The following FAM193A variants were observed in gnomAD, a reference collection of about 807,000 sequenced individuals.
FAM193A encodes the protein family with sequence similarity 193 member A.
FAM193A carries 22 observed loss-of-function variants against 126.5 expected under a neutral mutation model. The ratio of observed to expected loss-of-function variants is 0.17; its 90% CI spans 0.12 to 0.25. The LOEUF (loss-of-function observed/expected upper bound fraction) is 0.25, where lower values mean the gene tolerates loss of function less well. FAM193A is among the 10% of genes least tolerant of loss of function. The pLI, the probability that FAM193A is intolerant of heterozygous loss-of-function variation, is 1.00. For missense variants in FAM193A, 1,675 were observed against 1,672.8 expected (o/e 1.00, Z -0.02); for synonymous variants, 761 against 646.8 (o/e 1.18, Z -2.68).
At chr4:2,537,374 C>G (rs756216818) in intron 1 of FAM193A, among the ~76,000 whole-genome samples, 14 of 152,206 alleles carry the variant, frequency 9.2e-5, no homozygotes, top group Non-Finnish European at 1.9e-4. Flanking sequence ...GACGCGGCCT[C>G]TGTCAGCCTC....
chr4:2,633,991 A>T (rs1320997410), intron 5 of FAM193A, among the ~76,000 whole-genome samples: 3 of 152,202 alleles, frequency 2.0e-5, no homozygotes, highest in African/African-American at 7.2e-5. Context: ...GAATCCTGAG[A>T]AATACATGGG....
At chr4:2,553,292 GA>G (rs1738053735) in intron 1 of FAM193A, among the ~76,000 whole-genome samples, 1 of 151,936 alleles carries the variant, frequency 6.6e-6, no homozygotes, top group Non-Finnish European at 1.5e-5. Context: ...TAGGACCTGT[GA>G]ATAGCCAGCC....
At chr4:2,615,997 GAC>G (rs1742160348) in intron 2 of FAM193A, among the ~76,000 whole-genome samples, 1 of 152,094 alleles carries the variant, frequency 6.6e-6, no homozygotes, top group African/African-American at 2.4e-5. Flanking sequence ...TTTTAGTAGA[GAC>G]AGTGTTGCCC....
chr4:2,664,545 C>G (rs1248477993), intron 12 of FAM193A, among the ~76,000 whole-genome samples: 1 of 141,316 alleles, frequency 7.1e-6, no homozygotes, highest in Non-Finnish European at 1.5e-5. Context: ...CTTTCTCTCT[C>G]TCTATTTTCT....
chr4:2,608,011 G>T, intron 2 of FAM193A: 1 of 1,599,394 alleles, frequency 6.3e-7, no homozygotes, highest in South Asian at 1.1e-5. Context: ...GCTGGGGTGT[G>T]AATGTGCACC....
chr4:2,626,328 G>A (rs1381542679), intron 3 of FAM193A, 82 bp from the exon 4 acceptor site: 1 of 653,608 alleles, frequency 1.5e-6, no homozygotes, highest in Admixed American at 2.1e-5. Flanking sequence ...AAGAGCCTGG[G>A]AGGTCCTCTG....
chr4:2,617,455 G>A (rs1324342699), intron 2 of FAM193A, among the ~76,000 whole-genome samples: 7 of 148,870 alleles, frequency 4.7e-5, no homozygotes, highest in Non-Finnish European at 8.9e-5. Context: ...TAGTAGAGGC[G>A]GGGTTTCACC....
In FAM193A at chr4:2,700,534, C is replaced by G; in HGVS notation, c.4362C>G (p.Asn1454Lys). 1 of 1,610,492 alleles carries G rather than the reference C, an allele frequency of 6.2e-7. No individual in the cohort carries two copies. Residue 1454 changes from asparagine (N) to lysine (K), a missense_variant, in exon 19 of 21, where the codon AAC becomes AAG. Asn to Lys is a moderately conservative substitution (Grantham distance 94, BLOSUM62 0). This residue lies in a region of FAM193A where 415 missense variants were observed against 396.7 expected (regional missense o/e 1.05). Transcript: ENST00000637812. ...AGAAGAAGAAAGGAGACAGAGTCAA[C>G]AATTCAATTGGTAAATACAGAATAG... ...KNKKKKGDRV[N>K]NSIDDVFLPK...
chr4:2,589,211 GA>G (rs1326464858), intron 1 of FAM193A, among the ~76,000 whole-genome samples: 1 of 152,172 alleles, frequency 6.6e-6, no homozygotes, highest in Non-Finnish European at 1.5e-5. Context: ...ATTACATGGA[GA>G]AAAGCATTTT....
chr4:2,602,019 A>G (rs1177949366), intron 2 of FAM193A, among the ~76,000 whole-genome samples: 1 of 151,802 alleles, frequency 6.6e-6, no homozygotes. Context: ...TTGTATTTTT[A>G]GTAGAGACAG....
chr4:2,630,972 C>A lies in FAM193A; in HGVS notation c.841C>A (p.Leu281Met). The change falls in exon 5 of 21, where the codon CTG (leucine) becomes ATG (methionine). Residue 281 changes from leucine to methionine, a missense_variant. By Grantham distance (15) the Leu-to-Met change is conservative. Around this residue, in one of 4 missense-constraint regions of FAM193A, gnomAD observed 1,186 missense variants for 1,109.2 expected, o/e 1.07. Coordinates refer to ENST00000637812, the MANE Select transcript of FAM193A (RefSeq NM_001366318.2). The stretch of plus-strand genomic sequence containing the variant: ...GGACCCCTACCAGCTGTACCAGCGT[C>A]TGGAACAGCAAGCTCGAGAGTATGT... The part of the protein sequence containing the change: ...ERDPYQLYQR[L>M]EQQAREYVLE... The A allele has an allele frequency of 6.2e-7, 1 of 1,613,066 alleles. No individual in the cohort carries two copies. Among genetic ancestry groups the A allele is most frequent in the Non-Finnish European group, 8.5e-7 (1 of 1,179,778 alleles).
At chr4:2,675,655 C>A (rs1343292529) in intron 13 of FAM193A, among the ~76,000 whole-genome samples, 1 of 152,164 alleles carries the variant, frequency 6.6e-6, no homozygotes, top group Non-Finnish European at 1.5e-5. Context: ...TATGCACTAA[C>A]ATAAAATTTA....
intron 6 of FAM193A, among the ~76,000 whole-genome samples, chr4:2,641,954 G>A (rs1744668898): frequency 6.6e-6 from 1 of 150,806 alleles, no homozygotes. Context: ...GAAAAAAAAA[G>A]GGCCAGGTGC....
chr4:2,645,215 A>G (rs923315242), intron 6 of FAM193A, among the ~76,000 whole-genome samples: 3 of 152,240 alleles, frequency 2.0e-5, no homozygotes, highest in African/African-American at 7.2e-5. Context: ...TGCTCTTGAT[A>G]TATTATAAAC....
At chr4:2,634,295 T>G (rs761596585) in intron 5 of FAM193A, among the ~76,000 whole-genome samples, 3 of 152,150 alleles carry the variant, frequency 2.0e-5, no homozygotes, top group Admixed American at 2.0e-4. Flanking sequence ...AGCCTGGAAG[T>G]TACTTTACAG....
intron 4 of FAM193A, among the ~76,000 whole-genome samples, chr4:2,628,701 C>A (rs1027677231): frequency 3.9e-5 from 6 of 152,168 alleles, no homozygotes; most frequent in African/African-American, 1.4e-4. Context: ...ATAACCTTCA[C>A]GTCAAACCCA....
At chr4:2,686,077 T>C (rs1423471364) in intron 13 of FAM193A, among the ~76,000 whole-genome samples, 7 of 152,232 alleles carry the variant, frequency 4.6e-5, no homozygotes, top group African/African-American at 1.7e-4. Flanking sequence ...AAAAATGGTC[T>C]AGGTGACAGA....
At chr4:2,689,887 G>A (rs1338104483) in intron 14 of FAM193A, among the ~76,000 whole-genome samples, 183 bp downstream of exon 14, 3 of 152,200 alleles carry the variant, frequency 2.0e-5, no homozygotes, top group Admixed American at 1.3e-4. Context: ...TCTGCCACCA[G>A]TCGGTCCCAC....
At chr4:2,562,080 G>A (rs1162434230) in intron 1 of FAM193A, among the ~76,000 whole-genome samples, 1 of 152,186 alleles carries the variant, frequency 6.6e-6, no homozygotes, top group African/African-American at 2.4e-5. Flanking sequence ...CAGGTAAGAA[G>A]ATTGTGTTAG....
Sources: allele counts gnomAD v4.1 joint callset (sites outside exome capture counted in the v4.1 genomes callset), GRCh38; gene constraint gnomAD v4.1.1; regional missense constraint gnomAD v4.1.1; transcripts MANE v1.5; gene names NCBI Gene and HGNC (gene_info 2026-07-23, HGNC 2026-07-21).